Variants in PSMG2 observed in about 807,000 individuals in gnomAD.
PSMG2 encodes CD40 ligand-activated specific transcript 3.
Under a neutral mutation model 31.5 loss-of-function variants are expected in PSMG2, and 21 were observed. The ratio of observed to expected loss-of-function variants is 0.67; its 90% CI spans 0.47 to 0.96. The LOEUF is 0.96. Among genes scored for constraint, PSMG2 ranks in the 40% least tolerant of loss-of-function variants. The pLI is 0.00. For synonymous variants in PSMG2, 120 were observed against 110.4 expected, an observed-to-expected ratio of 1.09 and a Z score of -0.54; for missense variants, 318 against 321.2, an observed-to-expected ratio of 0.99 and a Z score of 0.08.
At chr18:12,679,250 G>A (rs1208198014) in intron 1 of PSMG2, 3 of 152,116 alleles carry the variant, frequency 2.0e-5, no homozygotes, top group Non-Finnish European at 4.4e-5. Context: ...GGTGGAAAGG[G>A]GTCCCCAGAG....
intron 1 of PSMG2, 70 bp from the exon 2 acceptor site, chr18:12,706,480 C>A: frequency 6.6e-7 from 1 of 1,525,558 alleles, no homozygotes; most frequent in South Asian, 1.1e-5. Context: ...GAGGCAGACT[C>A]TGTTTCAAAA....
intron 3 of PSMG2, 44 bp from the exon 4 acceptor site, chr18:12,718,473 C>CT (rs774143659): frequency 2.4e-5 from 31 of 1,279,896 alleles, no homozygotes; most frequent in Non-Finnish European, 3.1e-5. Context: ...TGCTCTAAGA[C>CT]TAACTTTTAG....
At chr18:12,703,493 T>C (rs2040223647) in intron 1 of PSMG2, among the ~76,000 whole-genome samples, 1 of 152,210 alleles carries the variant, frequency 6.6e-6, no homozygotes, top group East Asian at 1.9e-4. Flanking sequence ...TACGACTAGT[T>C]TTAGAATTAG....
At chr18:12,702,925 G>T, upstream of PSMG2, 1 of 646,024 alleles carries the variant, frequency 1.5e-6, no homozygotes, top group Non-Finnish European at 2.5e-6. Context: ...GCGGCCACCC[G>T]GCGGCCTCTT....
At chr18:12,678,187 A>G in intron 1 of PSMG2, 1 of 1,614,200 alleles carries the variant, frequency 6.2e-7, no homozygotes, top group Non-Finnish European at 8.5e-7. Context: ...TTGTGGATGC[A>G]CACAGAGGTG....
At chr18:12,706,195 G>A (rs183550584) in intron 1 of PSMG2, among the ~76,000 whole-genome samples, 4 of 152,198 alleles carry the variant, frequency 2.6e-5, no homozygotes, top group African/African-American at 9.7e-5. Context: ...TGGGCCAGGC[G>A]TGTTGGCTCA....
chr18:12,713,561 G>A (rs1185442288), intron 3 of PSMG2, among the ~76,000 whole-genome samples: 1 of 152,114 alleles, frequency 6.6e-6, no homozygotes, highest in East Asian at 1.9e-4. Flanking sequence ...AACTCATAGG[G>A]CTCATGTGCC....
At chr18:12,682,677 G>A (rs2039393310) in intron 1 of PSMG2, among the ~76,000 whole-genome samples, 1 of 151,962 alleles carries the variant, frequency 6.6e-6, no homozygotes. Context: ...CACCCAGGCT[G>A]GAATGCAGTG....
At position 12,725,507 on chromosome 18, in the gene PSMG2, T is replaced by C. The variant is rs1300680312; in HGVS notation, c.771T>C (p.Ser257=). The stretch of plus-strand genomic sequence containing the variant: ...GTTCTTGGAGATTACTCTTTGGCAG[T>C]GGTCTTCCCCCTGCACTTTTCTGAT... ...IPSSWRLLFG[S]GLPPALF is the part of the protein sequence containing the mutation. The change falls in exon 7 of 7, where the codon AGT becomes AGC. Residue 257 remains serine (S), a synonymous_variant. Coordinates refer to ENST00000317615, the MANE Select transcript of PSMG2 (RefSeq NM_020232.5). 1.2e-6 allele frequency: 2 copies of C among 1,601,886 alleles called. No individual in the cohort carries two copies. The highest frequency in any genetic ancestry group is 2.7e-5 in the African/African-American group (2 of 74,638).
At chr18:12,669,413 C>A (rs1428513960) in intron 1 of PSMG2, among the ~76,000 whole-genome samples, 2 of 151,794 alleles carry the variant, frequency 1.3e-5, no homozygotes, top group Admixed American at 6.6e-5. Flanking sequence ...CGCCTGGCCC[C>A]AATTTTTTTT....
chr18:12,712,920 T>C (rs1485319537), intron 3 of PSMG2, among the ~76,000 whole-genome samples, 160 bp downstream of exon 3: 3 of 152,222 alleles, frequency 2.0e-5, no homozygotes, highest in African/African-American at 7.2e-5. Flanking sequence ...GATGTGTTAC[T>C]GTCTTTTCAT....
At chr18:12,702,146 T>C (rs139085870), upstream of PSMG2, among the ~76,000 whole-genome samples, 1,346 of 152,174 alleles carry the variant, frequency 8.8e-3, 28 homozygotes, top group African/African-American at 0.03. Flanking sequence ...AAACCTGATA[T>C]CTTACAGCAG....
At chr18:12,665,911 G>A (rs1443743607) in intron 1 of PSMG2, among the ~76,000 whole-genome samples, 2 of 152,130 alleles carry the variant, frequency 1.3e-5, no homozygotes, top group East Asian at 1.9e-4. Context: ...TGGCCAGGCT[G>A]GTCTTGAACG....
At chr18:12,687,341 A>G (rs751069075) in intron 1 of PSMG2, among the ~76,000 whole-genome samples, 3 of 152,096 alleles carry the variant, frequency 2.0e-5, no homozygotes, top group African/African-American at 7.2e-5. Context: ...GGAAAAAAAA[A>G]CTCACTTATT....
At chr18:12,689,740 C>CTA (rs2039678479) in intron 1 of PSMG2, among the ~76,000 whole-genome samples, 1 of 151,968 alleles carries the variant, frequency 6.6e-6, no homozygotes, top group Non-Finnish European at 1.5e-5. Flanking sequence ...ATGCCTCAGA[C>CTA]TATATAGACA....
rs1335673867 is a variant in PSMG2, at chr18:12,723,496, C to G, written c.582-1003C>G. 2.6e-5 allele frequency among the ~76,000 whole-genome samples: 4 copies of G among 152,088 alleles called. No individual in the cohort carries two copies. The East Asian group carries it at 5.8e-4, about 22-fold the overall frequency. On this transcript the variant is annotated intron_variant, in intron 5 of 6. Coordinates refer to ENST00000317615, the MANE Select transcript of PSMG2 (RefSeq NM_020232.5). ...TTTGCGACAGAGTCTTGCTCTGTCT[C>G]ACGCAGTTCTCCTGCCTCAGCCTCC...
At chr18:12,724,230 C>G (rs914248239) in intron 5 of PSMG2, 4 of 339,750 alleles carry the variant, frequency 1.2e-5, no homozygotes, top group African/African-American at 8.5e-5. Context: ...CATACCTTAT[C>G]TGCTGTAGCC....
At chr18:12,665,245 G>A (rs1276864647) in intron 1 of PSMG2, 1 of 152,132 alleles carries the variant, frequency 6.6e-6, no homozygotes, top group Non-Finnish European at 1.5e-5. Flanking sequence ...TTTAAGTTTT[G>A]CCTTAGTAAT....
chr18:12,674,557 C>T (rs891583627), intron 1 of PSMG2: 4 of 1,612,282 alleles, frequency 2.5e-6, no homozygotes, highest in Non-Finnish European at 3.4e-6. Context: ...GGCAAATGCA[C>T]GTCTTGCATT....
Sources: gnomAD v4.1 joint callset for allele counts (sites outside exome capture counted in the v4.1 genomes callset) on GRCh38, gnomAD v4.1.1 for gene constraint, MANE v1.5 for transcripts, NCBI Gene and HGNC (gene_info 2026-07-23, HGNC 2026-07-21) for gene names.